The following ROBO1 variants were observed in gnomAD, a reference collection of about 807,000 sequenced individuals.
ROBO1 encodes the protein roundabout guidance receptor 1.
ROBO1 carries 149 observed loss-of-function variants against 195.9 expected under a neutral mutation model. That is an observed-to-expected ratio of 0.76 (90% CI 0.67 to 0.87). The LOEUF (loss-of-function observed/expected upper bound fraction) is 0.87. ROBO1 is among the 40% of genes least tolerant of loss of function. The pLI, the probability that ROBO1 is intolerant of heterozygous loss-of-function variation, is 0.00. For synonymous variants in ROBO1, 816 were observed against 733.2 expected (o/e 1.11, Z -1.82); for missense variants, 1,933 against 2,068.3 (o/e 0.93, Z 1.27).
At chr3:78,636,768 C>CAAT (rs1056532844) in intron 22 of ROBO1, among the ~76,000 whole-genome samples, 2 of 150,792 alleles carry the variant, frequency 1.3e-5, no homozygotes, top group Non-Finnish European at 3.0e-5. Context: ...TATAAAATGA[C>CAAT]AATAATAATA....
intron 2 of ROBO1, among the ~76,000 whole-genome samples, chr3:79,443,085 T>G (rs1452480870): frequency 2.0e-5 from 3 of 152,190 alleles, no homozygotes; most frequent in Non-Finnish European, 4.4e-5. Context: ...GTTAGACATT[T>G]CCATCTCTGC....
chr3:78,665,349 C>T (rs1360642939), intron 14 of ROBO1, among the ~76,000 whole-genome samples: 1 of 152,062 alleles, frequency 6.6e-6, no homozygotes, highest in Non-Finnish European at 1.5e-5. Context: ...CAGATCACTC[C>T]GAAAGCCCTG....
At chr3:79,399,762 G>A (rs570249056) in intron 2 of ROBO1, among the ~76,000 whole-genome samples, 18 of 152,252 alleles carry the variant, frequency 1.2e-4, no homozygotes, top group African/African-American at 4.1e-4. Context: ...GGCTCATTGC[G>A]TTGAGCGTAA....
intron 2 of ROBO1, among the ~76,000 whole-genome samples, chr3:79,466,908 T>A (rs1307699975): frequency 6.6e-6 from 1 of 152,164 alleles, no homozygotes; most frequent in Non-Finnish European, 1.5e-5. Flanking sequence ...CAGAGGAAGC[T>A]TGGTCAAAAT....
Position 79,263,169 on chromosome 3 carries a change from A to G in ROBO1, c.89-137630T>C, listed in dbSNP as rs1435056742. ...GAAATCTGCGCTCTCAACTCGGGAT[A>G]GTTTTCAACTTTTTGAGAAAATAGA... On this transcript the variant is annotated intron_variant, in intron 2 of 30. Coordinates refer to ENST00000464233, the MANE Select transcript of ROBO1 (RefSeq NM_002941.4). Among the ~76,000 whole-genome samples, 8 of 152,220 alleles carry G rather than the reference A, an allele frequency of 5.3e-5. No homozygotes were observed. In the East Asian group the frequency reaches 1.4e-3, roughly 26 times the overall value.
intron 4 of ROBO1, 104 bp downstream of exon 4, chr3:78,938,497 A>T: frequency 1.1e-6 from 1 of 890,942 alleles, no homozygotes; most frequent in Non-Finnish European, 1.7e-6. Context: ...GTTTATCCTC[A>T]GGTAAGGCCT....
At chr3:78,855,611 A>G (rs890670845) in intron 4 of ROBO1, among the ~76,000 whole-genome samples, 2 of 152,214 alleles carry the variant, frequency 1.3e-5, no homozygotes, top group African/African-American at 4.8e-5. Flanking sequence ...TCACTAAGCT[A>G]TGCTTTACTT....
chr3:79,285,744 C>T (rs1379811175), intron 2 of ROBO1, among the ~76,000 whole-genome samples: 2 of 152,126 alleles, frequency 1.3e-5, no homozygotes, highest in Non-Finnish European at 2.9e-5. Context: ...AATAACTCTA[C>T]ACATATAAGG....
chr3:78,814,469 C>G (rs1052138427), intron 4 of ROBO1, among the ~76,000 whole-genome samples: 1 of 151,810 alleles, frequency 6.6e-6, no homozygotes, highest in African/African-American at 2.4e-5. Flanking sequence ...GGCCCAAGAG[C>G]CTCATGTGGC....
chr3:79,351,437 C>G (rs1259840937), intron 2 of ROBO1, among the ~76,000 whole-genome samples: 1 of 152,072 alleles, frequency 6.6e-6, no homozygotes, highest in African/African-American at 2.4e-5. Flanking sequence ...AATTAAGTAG[C>G]CCACACGTTT....
intron 4 of ROBO1, among the ~76,000 whole-genome samples, chr3:78,907,988 G>T (rs2038026412): frequency 6.6e-6 from 1 of 151,728 alleles, no homozygotes; most frequent in African/African-American, 2.4e-5. Flanking sequence ...TATCATTCAT[G>T]GAAATACAAT....
intron 2 of ROBO1, among the ~76,000 whole-genome samples, chr3:79,403,889 TC>T (rs2037454251): frequency 6.6e-6 from 1 of 152,052 alleles, no homozygotes; most frequent in Non-Finnish European, 1.5e-5. Flanking sequence ...GAGCCATCTC[TC>T]TGTGGCAGAA....
intron 4 of ROBO1, among the ~76,000 whole-genome samples, chr3:78,849,135 G>C (rs1320552351): frequency 6.6e-6 from 1 of 152,136 alleles, no homozygotes; most frequent in African/African-American, 2.4e-5. Flanking sequence ...GAGTGGAGTA[G>C]TCTTTAAATA....
chr3:79,414,181 GTCTCTCTCTCTCTCTCTTTCTCTC>G (rs1400908137), intron 2 of ROBO1, among the ~76,000 whole-genome samples: 1 of 148,610 alleles, frequency 6.7e-6, no homozygotes, highest in Non-Finnish European at 1.5e-5. Context: ...TATATTAACA[GTCTCTCTCTCTCTCTCTTTCTCTC>G]TCTCTCTCTC....
chr3:78,752,179 C>A (rs2082813648), intron 4 of ROBO1, among the ~76,000 whole-genome samples: 1 of 122,696 alleles, frequency 8.2e-6, no homozygotes, highest in Non-Finnish European at 1.8e-5. Flanking sequence ...AGTCATAGTA[C>A]AGAAAATATT....
At chr3:78,723,240 G>A (rs1242375635) in intron 5 of ROBO1, among the ~76,000 whole-genome samples, 1 of 152,086 alleles carries the variant, frequency 6.6e-6, no homozygotes, top group Non-Finnish European at 1.5e-5. Context: ...CGTTGTGTTA[G>A]AATTGCCTAC....
intron 8 of ROBO1, among the ~76,000 whole-genome samples, chr3:78,696,188 C>T (rs556402971): frequency 5.3e-5 from 8 of 150,228 alleles, no homozygotes; most frequent in South Asian, 2.1e-4. Context: ...TTCTAACATT[C>T]GACATTTATG....
intron 2 of ROBO1, among the ~76,000 whole-genome samples, chr3:79,565,145 T>A (rs565233163): frequency 1.3e-5 from 2 of 152,240 alleles, no homozygotes; most frequent in South Asian, 4.1e-4. Context: ...TGGCTTAGAA[T>A]CATTGCTAAT....
At chr3:79,465,111 C>A (rs1937886746) in intron 2 of ROBO1, among the ~76,000 whole-genome samples, 1 of 152,080 alleles carries the variant, frequency 6.6e-6, no homozygotes, top group Non-Finnish European at 1.5e-5. Flanking sequence ...GGACCAACTG[C>A]TTTTTTTCCT....
Sources: gnomAD v4.1 joint callset for allele counts (sites outside exome capture counted in the v4.1 genomes callset) on GRCh38, gnomAD v4.1.1 for gene constraint, MANE v1.5 for transcripts, NCBI Gene and HGNC (gene_info 2026-07-23, HGNC 2026-07-21) for gene names.